EVC2: variants seen among roughly 807,000 people sequenced by gnomAD.
EVC2 encodes limbin.
In EVC2, 148 loss-of-function variants were observed where a neutral mutation model predicts 149.3. The ratio of observed to expected loss-of-function variants is 0.99; its 90% CI spans 0.87 to 1.14. The LOEUF (loss-of-function observed/expected upper bound fraction) is 1.14. EVC2 is among the 50% of genes most tolerant of loss of function. EVC2 has a pLI of 0.00. For synonymous variants in EVC2, 776 were observed against 649.9 expected (o/e 1.19, Z -2.95); for missense variants, 1,854 against 1,627.3 (o/e 1.14, Z -2.40).
intron 16 of EVC2, among the ~76,000 whole-genome samples, chr4:5,609,313 G>A (rs1209849420): frequency 6.6e-6 from 1 of 152,132 alleles, no homozygotes; most frequent in African/African-American, 2.4e-5. Flanking sequence ...TTCACAGAAC[G>A]AGAGCTGTCA....
At chr4:5,620,856 GT>G (rs1715638320) in intron 14 of EVC2, among the ~76,000 whole-genome samples, 1 of 152,230 alleles carries the variant, frequency 6.6e-6, no homozygotes, top group African/African-American at 2.4e-5. Context: ...GCTACGAAGA[GT>G]CCAAAGCCAG....
At chr4:5,612,262 C>T (rs1027431887) in intron 16 of EVC2, among the ~76,000 whole-genome samples, 4 of 152,274 alleles carry the variant, frequency 2.6e-5, no homozygotes, top group African/African-American at 4.8e-5. Context: ...CATTTCTCTG[C>T]GGTCTGTATT....
At chr4:5,583,511 T>G (rs902963069) in intron 17 of EVC2, among the ~76,000 whole-genome samples, 14 of 152,192 alleles carry the variant, frequency 9.2e-5, no homozygotes, top group African/African-American at 3.4e-4. Context: ...GATTTTAAAG[T>G]ACTGAATCAA....
intron 16 of EVC2, among the ~76,000 whole-genome samples, chr4:5,606,317 C>T (rs866955179): frequency 1.3e-5 from 2 of 152,172 alleles, no homozygotes; most frequent in African/African-American, 4.8e-5. Flanking sequence ...AGCCTCAATA[C>T]ATTCCAAAGA....
chr4:5,579,025 CAAG>C (rs1339133333), intron 17 of EVC2, among the ~76,000 whole-genome samples: 2 of 152,082 alleles, frequency 1.3e-5, no homozygotes, highest in African/African-American at 4.8e-5. Context: ...CAGGGGGCAG[CAAG>C]AAGGTCCAGG....
chr4:5,703,162 A>G (rs765556094), intron 1 of EVC2, among the ~76,000 whole-genome samples: 6 of 152,236 alleles, frequency 3.9e-5, no homozygotes, highest in Non-Finnish European at 7.3e-5. Flanking sequence ...CTAAGTTCCT[A>G]CAGCATGCAG....
intron 4 of EVC2, among the ~76,000 whole-genome samples, chr4:5,690,881 G>C (rs34411090): frequency 0.34 from 52,270 of 152,010 alleles, 9,382 homozygotes; most frequent in Non-Finnish European, 0.39. Flanking sequence ...GGAGACCCCT[G>C]ACACAAGGAT....
At chr4:5,682,614 T>C (rs1720427227) in intron 6 of EVC2, among the ~76,000 whole-genome samples, 1 of 151,750 alleles carries the variant, frequency 6.6e-6, no homozygotes, top group Non-Finnish European at 1.5e-5. Flanking sequence ...ATCTCAGCAC[T>C]TTGGGAGGCC....
In EVC2 at chr4:5,651,717, T is replaced by C. The variant is rs550881400; in HGVS notation, c.1146-10879A>G. Among the ~76,000 whole-genome samples, 3 of 152,348 alleles carry C rather than the reference T, an allele frequency of 2.0e-5. No homozygotes were observed. The South Asian group carries it at 6.2e-4, about 32-fold the overall frequency. ...TCACCTTTCCAACCAACACCTGGGC[T>C]TTCTGAACATCTTCTCTGCCAGGCA... is the stretch of plus-strand genomic sequence containing the variant. On this transcript the variant is annotated intron_variant, in intron 9 of 21. Coordinates refer to ENST00000344408, the MANE Select transcript of EVC2 (RefSeq NM_147127.5).
intron 10 of EVC2, among the ~76,000 whole-genome samples, chr4:5,639,859 AT>A (rs35448080): frequency 6.6e-6 from 1 of 152,010 alleles, no homozygotes; most frequent in Admixed American, 6.6e-5. Flanking sequence ...ATAATGTCTC[AT>A]TTTTTACGTG....
intron 7 of EVC2, among the ~76,000 whole-genome samples, chr4:5,668,427 A>G (rs958594090): frequency 6.6e-6 from 1 of 152,214 alleles, no homozygotes; most frequent in African/African-American, 2.4e-5. Context: ...TTCTTGCTCT[A>G]ACATCCTCTT....
chr4:5,655,447 C>T (rs745933315), intron 9 of EVC2, among the ~76,000 whole-genome samples: 6 of 152,098 alleles, frequency 3.9e-5, no homozygotes, highest in Non-Finnish European at 7.3e-5. Context: ...GCCTCTTCCC[C>T]GCTACCACCC....
intron 1 of EVC2, among the ~76,000 whole-genome samples, chr4:5,702,784 G>A (rs962574337): frequency 2.6e-5 from 4 of 152,312 alleles, no homozygotes; most frequent in East Asian, 1.9e-4. Context: ...CCTAGACACC[G>A]ACAGCAAGTG....
At chr4:5,647,421 G>A (rs1259626264) in intron 9 of EVC2, among the ~76,000 whole-genome samples, 7 of 152,178 alleles carry the variant, frequency 4.6e-5, no homozygotes, top group Admixed American at 1.3e-4. Context: ...AATAGCTTCC[G>A]TCCCCTTAAG....
chr4:5,692,378 T>C (rs1373917897), intron 3 of EVC2, among the ~76,000 whole-genome samples: 1 of 152,114 alleles, frequency 6.6e-6, no homozygotes, highest in Non-Finnish European at 1.5e-5. Context: ...ATGGCAGCCA[T>C]CACTTTACAT....
rs370368827 is a variant in EVC2, at chr4:5,568,512, G to A, written c.3489C>T (p.Thr1163=). The change falls in exon 20 of 22, where the codon ACC becomes ACT. Residue 1163 remains threonine (T), a synonymous_variant. Coordinates refer to ENST00000344408, the MANE Select transcript of EVC2 (RefSeq NM_147127.5). ...PQLLALLDSA[T]ERHVDHAAES... ...CAGCTGCGTGGTCCACATGTCTCTC[G>A]GTGGCCGAATCCAGCAGGGCCAGCA... 7.2e-5 allele frequency: 115 copies of A among 1,590,604 alleles called. No individual in the cohort carries two copies. Among genetic ancestry groups the A allele is most frequent in the Middle Eastern group, 2.2e-4 (1 of 4,580 alleles).
chr4:5,706,247 C>G (rs1225127733), intron 1 of EVC2, among the ~76,000 whole-genome samples: 1 of 151,340 alleles, frequency 6.6e-6, no homozygotes, highest in African/African-American at 2.4e-5. Flanking sequence ...GCATTGGTCT[C>G]CCAGCCCCCT....
intron 16 of EVC2, among the ~76,000 whole-genome samples, chr4:5,612,998 G>C (rs1276839398): frequency 6.6e-6 from 1 of 151,906 alleles, no homozygotes; most frequent in Non-Finnish European, 1.5e-5. Flanking sequence ...GGGCCAGGGA[G>C]GGGTTATGGA....
intron 16 of EVC2, among the ~76,000 whole-genome samples, chr4:5,593,641 A>T (rs1713057718): frequency 1.3e-5 from 2 of 152,186 alleles, no homozygotes; most frequent in Non-Finnish European, 2.9e-5. Flanking sequence ...AGCGTGAGCG[A>T]CGCACAAGAT....
Sources: gnomAD v4.1 joint callset for allele counts (sites outside exome capture counted in the v4.1 genomes callset) on GRCh38, gnomAD v4.1.1 for gene constraint, MANE v1.5 for transcripts, NCBI Gene and HGNC (gene_info 2026-07-23, HGNC 2026-07-21) for gene names.